Variants in ABCB1 observed in about 807,000 individuals in gnomAD.
The protein encoded by ABCB1 is ATP-dependent translocase ABCB1.
In ABCB1, 69 loss-of-function variants were observed where a neutral mutation model predicts 142.0. That is an observed-to-expected ratio of 0.49 (90% CI 0.40 to 0.59). The LOEUF (loss-of-function observed/expected upper bound fraction) is 0.59, where lower values mean the gene tolerates loss of function less well. ABCB1 is among the 20% of genes least tolerant of loss of function. ABCB1 has a pLI of 0.00. For synonymous variants in ABCB1, 532 were observed against 539.2 expected (o/e 0.99, Z 0.18); for missense variants, 1,326 against 1,554.7 (o/e 0.85, Z 2.47).
intron 1 of ABCB1, among the ~76,000 whole-genome samples, chr7:87,680,522 G>C (rs1355270502): frequency 6.6e-6 from 1 of 150,904 alleles, no homozygotes; most frequent in Non-Finnish European, 1.5e-5. Flanking sequence ...GCCGGGCCCG[G>C]TGGCTCACGC....
intron 22 of ABCB1, among the ~76,000 whole-genome samples, chr7:87,520,186 A>AT (rs895799682): frequency 1.3e-5 from 2 of 151,372 alleles, no homozygotes; most frequent in African/African-American, 4.9e-5. Flanking sequence ...ATTTCAAATA[A>AT]TTTTTTTTTA....
intron 25 of ABCB1, among the ~76,000 whole-genome samples, chr7:87,511,887 C>A (rs578181012): frequency 6.6e-6 from 1 of 152,036 alleles, no homozygotes; most frequent in African/African-American, 2.4e-5. Flanking sequence ...ATGGGAGAGA[C>A]TGGAAAGGGG....
chr7:87,577,853 C>T (rs1818338413), intron 4 of ABCB1, among the ~76,000 whole-genome samples: 1 of 152,186 alleles, frequency 6.6e-6, no homozygotes, highest in Non-Finnish European at 1.5e-5. Context: ...CAAATACTTT[C>T]TCCCATTTTG....
intron 1 of ABCB1, among the ~76,000 whole-genome samples, chr7:87,677,682 A>G (rs1370336073): frequency 6.6e-6 from 1 of 152,178 alleles, no homozygotes; most frequent in Non-Finnish European, 1.5e-5. Context: ...ACAGAACAAA[A>G]CAAAAAACCC....
intron 1 of ABCB1, among the ~76,000 whole-genome samples, chr7:87,689,099 G>A (rs544069396): frequency 4.9e-4 from 74 of 152,018 alleles, no homozygotes; most frequent in African/African-American, 1.7e-3. Context: ...TTGGCTTCTG[G>A]GGAAGGGGGA....
At chr7:87,532,434 A>C (rs1816095034) in intron 20 of ABCB1, among the ~76,000 whole-genome samples, 1 of 152,214 alleles carries the variant, frequency 6.6e-6, no homozygotes, top group Non-Finnish European at 1.5e-5. Flanking sequence ...GTGGTAAAGA[A>C]GCCAGCCAAA....
At chr7:87,655,016 C>A (rs932617918) in intron 1 of ABCB1, among the ~76,000 whole-genome samples, 3 of 152,090 alleles carry the variant, frequency 2.0e-5, no homozygotes. Flanking sequence ...TGCATATTAT[C>A]AAACAGCCGA....
chr7:87,521,034 CA>C, intron 21 of ABCB1, 158 bp from the exon 22 acceptor site: 2 of 644,776 alleles, frequency 3.1e-6, no homozygotes, highest in Non-Finnish European at 5.4e-6. Context: ...AGTAATTTAT[CA>C]AACTGAGTTA....
At position 87,516,669 on chromosome 7, in the gene ABCB1, G is replaced by C. The variant is rs1302731388; in HGVS notation, c.2928-4C>G. 2 of 1,607,516 alleles carry C rather than the reference G, an allele frequency of 1.2e-6. No individual in the cohort carries two copies. The highest frequency in any genetic ancestry group is 1.7e-6 in the Non-Finnish European group (2 of 1,178,376). On this transcript the variant is annotated splice_region_variant and splice_polypyrimidine_tract_variant and intron_variant, in intron 23 of 27. Transcript: ENST00000622132. Reference sequence around the variant, plus strand: ...AAAGACAACAGCTGAAAATACTCTGGAAAGCACAAACACAAAACATGTGCA... The same window carrying C: ...AAAGACAACAGCTGAAAATACTCTGCAAAGCACAAACACAAAACATGTGCA...
In ABCB1 at chr7:87,623,098, A is replaced by G. The variant is rs1454997771; in HGVS notation, c.-330-22020T>C. ...TTTCTAGCTAATGATTTAGATTTCA[A>G]TCCTGGCTCTGCCATTTACTATGTG... On this transcript the variant is annotated intron_variant, in intron 1 of 28. Coordinates refer to the ABCB1 transcript ENST00000265724. 3.3e-5 allele frequency among the ~76,000 whole-genome samples: 5 copies of G among 152,188 alleles called. No individual in the cohort carries two copies. The East Asian group carries it at 9.6e-4, about 29-fold the overall frequency.
intron 1 of ABCB1, among the ~76,000 whole-genome samples, chr7:87,667,510 A>G (rs922534838): frequency 2.6e-5 from 4 of 151,912 alleles, no homozygotes; most frequent in African/African-American, 9.7e-5. Context: ...AGCTCTGGCT[A>G]GGACTTCCAT....
chr7:87,588,156 GTT>G (rs34445246), intron 3 of ABCB1, among the ~76,000 whole-genome samples: 3,051 of 148,028 alleles, frequency 0.021, 102 homozygotes, highest in African/African-American at 0.072. Context: ...ATTTCCTTTT[GTT>G]TTTTTTTTTA....
intron 1 of ABCB1, among the ~76,000 whole-genome samples, chr7:87,610,113 A>G (rs556075471): frequency 2.0e-5 from 3 of 152,014 alleles, no homozygotes; most frequent in Non-Finnish European, 4.4e-5. Context: ...ATTCTGCCAA[A>G]TATTTGACTG....
intron 3 of ABCB1, among the ~76,000 whole-genome samples, chr7:87,587,714 CA>C (rs1026830724): frequency 6.6e-6 from 1 of 151,490 alleles, no homozygotes; most frequent in African/African-American, 2.4e-5. Flanking sequence ...TATTAAAATA[CA>C]AAAAAAGAAA....
intron 24 of ABCB1, among the ~76,000 whole-genome samples, chr7:87,516,279 T>A (rs1236970625): frequency 3.3e-5 from 5 of 152,160 alleles, no homozygotes; most frequent in African/African-American, 1.2e-4. Context: ...ATCTGATTAA[T>A]AGGTTTTGCT....
intron 1 of ABCB1, among the ~76,000 whole-genome samples, chr7:87,700,243 A>G (rs1007951678): frequency 3.3e-5 from 5 of 152,144 alleles, no homozygotes; most frequent in African/African-American, 1.2e-4. Context: ...AACTAACACC[A>G]CTAGTTAAAG....
chr7:87,556,609 C>T (rs186860576), intron 8 of ABCB1, among the ~76,000 whole-genome samples: 2 of 152,316 alleles, frequency 1.3e-5, no homozygotes, highest in Middle Eastern at 3.4e-3. Flanking sequence ...CCTGTCACCC[C>T]TCTCCTGCCT....
chr7:87,568,992 G>T (rs960243169), intron 5 of ABCB1, among the ~76,000 whole-genome samples: 1 of 152,040 alleles, frequency 6.6e-6, no homozygotes, highest in Non-Finnish European at 1.5e-5. Flanking sequence ...CTCTCCACAG[G>T]AATATTTGGA....
chr7:87,567,022 A>T, intron 5 of ABCB1, 46 bp from the exon 6 acceptor site: 1 of 1,573,566 alleles, frequency 6.4e-7, no homozygotes. Context: ...TTTCCTAATC[A>T]ATGTACCTTT....
Sources: allele counts gnomAD v4.1 joint callset (sites outside exome capture counted in the v4.1 genomes callset), GRCh38; gene constraint gnomAD v4.1.1; transcripts MANE v1.5; gene names NCBI Gene and HGNC (gene_info 2026-07-23, HGNC 2026-07-21).